Variants in LEPR observed in about 807,000 individuals in gnomAD.
LEPR encodes OB receptor.
In LEPR, 56 loss-of-function variants were observed where a neutral mutation model predicts 114.7. The observed-to-expected ratio is 0.49, with a 90% CI of 0.39 to 0.61. The LOEUF (loss-of-function observed/expected upper bound fraction) is 0.61, where lower values mean the gene tolerates loss of function less well. LEPR is among the 20% of genes least tolerant of loss of function. The probability of loss-of-function intolerance (pLI) is 0.00; values close to 1 mark genes in which losing one functional copy is unlikely to be tolerated. For synonymous variants in LEPR, 443 were observed against 461.4 expected (o/e 0.96, Z 0.51); for missense variants, 1,202 against 1,352.9 (o/e 0.89, Z 1.75).
intron 9 of LEPR, 68 bp downstream of exon 9, chr1:65,601,750 TTA>T (rs1197701208): frequency 6.2e-7 from 1 of 1,606,288 alleles, no homozygotes; most frequent in Non-Finnish European, 8.5e-7. Flanking sequence ...CCTCCTTATA[TTA>T]GAGTCCTGTT....
chr1:65,458,762 A>G (rs1281327602), intron 2 of LEPR, among the ~76,000 whole-genome samples: 1 of 151,974 alleles, frequency 6.6e-6, no homozygotes, highest in Non-Finnish European at 1.5e-5. Flanking sequence ...TTCTCAGCCA[A>G]TGTTTCTTTA....
At chr1:65,525,120 G>A (rs1649836099) in intron 2 of LEPR, among the ~76,000 whole-genome samples, 1 of 152,180 alleles carries the variant, frequency 6.6e-6, no homozygotes, top group African/African-American at 2.4e-5. Context: ...TAAGCATGAC[G>A]AAGATGCTGG....
At chr1:65,626,224 T>G in intron 19 of LEPR, 2 of 1,555,564 alleles carry the variant, frequency 1.3e-6, no homozygotes, top group Non-Finnish European at 1.7e-6. Context: ...CTCCCTGAGG[T>G]GTGCACAATG....
intron 19 of LEPR, chr1:65,623,491 G>C (rs1658010753): frequency 6.6e-6 from 1 of 152,158 alleles, no homozygotes; most frequent in Non-Finnish European, 1.5e-5. Context: ...CTTTATGAGA[G>C]TTAGTCAACT....
chr1:65,608,317 A>G (rs571909378), intron 11 of LEPR, among the ~76,000 whole-genome samples: 17 of 147,264 alleles, frequency 1.2e-4, no homozygotes, highest in Non-Finnish European at 2.2e-4. Flanking sequence ...TGCAAGCTTC[A>G]CCTCCCGGGT....
chr1:65,449,979 T>C (rs1261494712), intron 2 of LEPR, among the ~76,000 whole-genome samples: 3 of 152,188 alleles, frequency 2.0e-5, no homozygotes, highest in Non-Finnish European at 4.4e-5. Flanking sequence ...TTAAAAATAA[T>C]TTTAAATTTC....
rs149808017 is a variant in LEPR, at chr1:65,540,473, C to A, written c.-20-25073C>A. ...ATGCAAGATCTGGTTGTTAAAGGAG[C>A]CTGGCATCTTCTTCCACCCTCTCTT... On this transcript the variant is annotated intron_variant, in intron 2 of 19. Coordinates refer to ENST00000349533, the MANE Select transcript of LEPR (RefSeq NM_002303.6). 2.6e-5 allele frequency among the ~76,000 whole-genome samples: 4 copies of A among 152,012 alleles called. No homozygotes were observed. The South Asian group carries it at 6.2e-4, about 24-fold the overall frequency.
At chr1:65,583,549 C>G (rs1655132214) in intron 5 of LEPR, among the ~76,000 whole-genome samples, 1 of 152,100 alleles carries the variant, frequency 6.6e-6, no homozygotes, top group Non-Finnish European at 1.5e-5. Context: ...CAAGGCTACA[C>G]TATACTATTC....
chr1:65,430,567 T>G (rs1244483993), intron 2 of LEPR, among the ~76,000 whole-genome samples: 2 of 152,222 alleles, frequency 1.3e-5, no homozygotes, highest in African/African-American at 4.8e-5. Context: ...TAGGTATAAT[T>G]TATTCAATTA....
At chr1:65,592,518 A>T in intron 5 of LEPR, 139 bp from the exon 6 acceptor site, 1 of 729,884 alleles carries the variant, frequency 1.4e-6, no homozygotes, top group Non-Finnish European at 2.1e-6. Flanking sequence ...TTTCTAATGT[A>T]GGGTTTTTTT....
Position 65,442,765 on chromosome 1 carries a change from A to G in LEPR, c.-21+17387A>G, listed in dbSNP as rs535385328. Reference sequence around the variant, plus strand: ...AATGCCTTCCCTGCCTCCAAAAACAAAACCAACCTGGGAATACAAAGATCA... The same window carrying G: ...AATGCCTTCCCTGCCTCCAAAAACAGAACCAACCTGGGAATACAAAGATCA... On this transcript the variant is annotated intron_variant, in intron 2 of 19. Coordinates refer to ENST00000349533, the MANE Select transcript of LEPR (RefSeq NM_002303.6). 7.9e-5 allele frequency among the ~76,000 whole-genome samples: 12 copies of G among 152,368 alleles called. No homozygotes were observed. In the South Asian group the frequency reaches 2.1e-3, roughly 26 times the overall value.
intron 14 of LEPR, among the ~76,000 whole-genome samples, chr1:65,614,526 T>C (rs1657405015): frequency 6.6e-6 from 1 of 152,204 alleles, no homozygotes; most frequent in Non-Finnish European, 1.5e-5. Flanking sequence ...CACTGTACTC[T>C]AGTTGATACA....
intron 2 of LEPR, among the ~76,000 whole-genome samples, chr1:65,547,723 G>A (rs199531001): frequency 4.9e-4 from 66 of 136,052 alleles, no homozygotes; most frequent in East Asian, 1.6e-3. Flanking sequence ...TCTTGCTAGC[G>A]GTCTATCAAT....
intron 2 of LEPR, among the ~76,000 whole-genome samples, chr1:65,547,253 T>C (rs1273410131): frequency 6.6e-6 from 1 of 152,216 alleles, no homozygotes; most frequent in Non-Finnish European, 1.5e-5. Context: ...TTCAAGGATA[T>C]TGGTCTAAAA....
intron 2 of LEPR, among the ~76,000 whole-genome samples, chr1:65,484,982 T>G (rs1647412889): frequency 6.6e-6 from 1 of 152,186 alleles, no homozygotes; most frequent in African/African-American, 2.4e-5. Context: ...ACAACTAAAT[T>G]CATGTTTGTT....
intron 13 of LEPR, 28 bp from the exon 14 acceptor site, chr1:65,610,186 A>G: frequency 6.2e-7 from 1 of 1,614,124 alleles, no homozygotes; most frequent in Non-Finnish European, 8.5e-7. Flanking sequence ...TTTCTTCAAA[A>G]ACATATACAC....
chr1:65,513,246 T>C (rs2148684), intron 2 of LEPR, among the ~76,000 whole-genome samples: 108,041 of 152,090 alleles, frequency 0.71, 39,472 homozygotes, highest in Middle Eastern at 0.87. Flanking sequence ...TGCTTGGTGT[T>C]AGGGAAGGAA....
intron 18 of LEPR, among the ~76,000 whole-genome samples, chr1:65,622,081 G>A (rs1411136069): frequency 6.6e-6 from 1 of 152,164 alleles, no homozygotes; most frequent in Non-Finnish European, 1.5e-5. Flanking sequence ...TGAGGTGCTT[G>A]TCCATGATGG....
chr1:65,439,279 C>T (rs559247079), intron 2 of LEPR, among the ~76,000 whole-genome samples: 27 of 152,200 alleles, frequency 1.8e-4, no homozygotes, highest in Middle Eastern at 3.4e-3. Flanking sequence ...TCCCTGATTT[C>T]TAACTTATTA....
Sources: allele counts gnomAD v4.1 joint callset (sites outside exome capture counted in the v4.1 genomes callset), GRCh38; gene constraint gnomAD v4.1.1; transcripts MANE v1.5; gene names NCBI Gene and HGNC (gene_info 2026-07-23, HGNC 2026-07-21).